The following KLRD1 variants were observed in gnomAD, a reference collection of about 807,000 sequenced individuals.
The protein encoded by KLRD1 is killer cell lectin like receptor D1, also known as natural killer cells antigen CD94.
In KLRD1, 21 loss-of-function variants were observed where a neutral mutation model predicts 22.6. That is an observed-to-expected ratio of 0.93 (90% CI 0.66 to 1.34). The LOEUF (loss-of-function observed/expected upper bound fraction) is 1.34. KLRD1 is among the 40% of genes most tolerant of loss of function. The pLI, the probability that KLRD1 is intolerant of heterozygous loss-of-function variation, is 0.00. For synonymous variants in KLRD1, 59 were observed against 71.1 expected (o/e 0.83, Z 0.85); for missense variants, 183 against 208.6 (o/e 0.88, Z 0.76).
chr12:10,309,739 A>G (rs1200875871), intron 3 of KLRD1, 51 bp downstream of exon 3: 1 of 1,288,708 alleles, frequency 7.8e-7, no homozygotes, highest in Admixed American at 1.7e-5. Flanking sequence ...TTAAATAGGC[A>G]GTTTCTTGTT....
chr12:10,265,554 C>T (rs1949491031), intron 1 of KLRD1, among the ~76,000 whole-genome samples: 1 of 152,124 alleles, frequency 6.6e-6, no homozygotes, highest in South Asian at 2.1e-4. Flanking sequence ...GTCAGGAGTT[C>T]GAGACCAGTC....
rs754430085 is a variant in KLRD1 at position 10,314,784 on chromosome 12, G to A, written c.531G>A (p.Gln177=). Residue 177 remains glutamine (Q), a synonymous_variant, in exon 6 of 6, where the codon CAG becomes CAA. Transcript: ENST00000336164. ...AAAATCGTTATATCTGTAAGCAACA[G>A]CTCATTTAAATGTTTCTTGGGGCAG... ...EDKNRYICKQ[Q]LI 4.5e-5 allele frequency: 72 copies of A among 1,604,936 alleles called. No individual in the cohort carries two copies. The highest frequency in any genetic ancestry group is 4.3e-4 in the Admixed American group (25 of 58,384).
At chr12:10,278,856 A>G (rs987280602) in intron 1 of KLRD1, among the ~76,000 whole-genome samples, 3 of 151,936 alleles carry the variant, frequency 2.0e-5, no homozygotes, top group Admixed American at 1.3e-4. Context: ...AGATATAGCA[A>G]ATTTGCACAG....
chr12:10,304,962 G>A (rs536801901), upstream of KLRD1, among the ~76,000 whole-genome samples: 2 of 152,132 alleles, frequency 1.3e-5, no homozygotes, highest in East Asian at 3.9e-4. Flanking sequence ...TTTTCTTTCC[G>A]CTCAAAGAAT....
chr12:10,275,754 GATA>G (rs759791922), intron 1 of KLRD1, among the ~76,000 whole-genome samples: 1 of 152,046 alleles, frequency 6.6e-6, no homozygotes, highest in Non-Finnish European at 1.5e-5. Context: ...AAACTTTTAT[GATA>G]ATAAAAATTA....
rs1310854874 is a variant in KLRD1, at chr12:10,278,398, G to GT, written c.-100-29579dup. ...GCCACTTATAAGGCTAATATTTAAA[G>GT]TATTTGGTGGACTTCCATGCTCCCT... On this transcript the variant is annotated intron_variant, in intron 1 of 5. Coordinates refer to the KLRD1 transcript ENST00000544747. 3.3e-5 allele frequency among the ~76,000 whole-genome samples: 5 copies of GT among 152,206 alleles called. No homozygotes were observed. In the East Asian group the frequency reaches 9.7e-4, roughly 29 times the overall value.
chr12:10,309,702 T>C lies in KLRD1; in HGVS notation c.163+14T>C, dbSNP rs1950012856. On this transcript the variant is annotated intron_variant, in intron 3 of 5. Coordinates refer to ENST00000336164, the MANE Select transcript of KLRD1 (RefSeq NM_002262.5). ...AACTCCAGAAAGGTAGGTCACATTT[T>C]TTGGAAAACTTAGCATTGGTAAAAG... 1.9e-6 allele frequency: 3 copies of C among 1,597,018 alleles called. No individual in the cohort carries two copies. The highest frequency in any genetic ancestry group is 1.7e-4 in the Middle Eastern group (1 of 6,028).
chr12:10,309,266 C>G, intron 1 of KLRD1, 122 bp from the exon 2 acceptor site: 1 of 614,112 alleles, frequency 1.6e-6, no homozygotes, highest in Non-Finnish European at 2.9e-6. Flanking sequence ...GTTTTATTGG[C>G]AAGATGACTC....
chr12:10,245,348 A>G (rs777357986), intron 1 of KLRD1, among the ~76,000 whole-genome samples: 2 of 152,170 alleles, frequency 1.3e-5, no homozygotes, highest in Non-Finnish European at 2.9e-5. Context: ...ACAGAGCAAG[A>G]CTCCATCTCA....
rs904856085 is a variant in KLRD1, at chr12:10,323,581, A to G, written c.*8788A>G. On this transcript the variant is annotated 3_prime_UTR_variant, in exon 6 of 6. Coordinates refer to ENST00000336164, the MANE Select transcript of KLRD1 (RefSeq NM_002262.5). ...AAAGTATGACATTTGATGTATTTCC[A>G]TATCTATGCATCTGTGAAACCATCA... 2.0e-5 allele frequency: 3 copies of G among 152,060 alleles called. No homozygotes were observed. The highest frequency in any genetic ancestry group is 1.9e-4 in the East Asian group (1 of 5,194). 9.4% of individuals were successfully genotyped at this position (152,060 alleles called of 1,614,324 possible). A position where few individuals can be genotyped will look rare whatever the true frequency, so the allele number is the denominator to read the frequency against.
At chr12:10,272,724 A>G (rs1372945501) in intron 1 of KLRD1, among the ~76,000 whole-genome samples, 1 of 152,226 alleles carries the variant, frequency 6.6e-6, no homozygotes, top group East Asian at 1.9e-4. Flanking sequence ...GTTTACAGTA[A>G]GGCTAATATG....
intron 1 of KLRD1, among the ~76,000 whole-genome samples, chr12:10,266,465 T>C (rs1487524633): frequency 6.6e-6 from 1 of 152,116 alleles, no homozygotes; most frequent in Non-Finnish European, 1.5e-5. Context: ...AAAAAATTCT[T>C]TGTATTTATT....
Position 10,320,605 on chromosome 12 carries a change from A to T in KLRD1, c.*5812A>T, listed in dbSNP as rs1427704262. On this transcript the variant is annotated 3_prime_UTR_variant, in exon 6 of 6. Transcript: ENST00000336164. ...AGCTAATGGAAGGGCTGTTGAGCAAAAGAAGACAGAACTTGATAGTTTTGA... is the reference window on the plus strand; with the variant it reads ...AGCTAATGGAAGGGCTGTTGAGCAATAGAAGACAGAACTTGATAGTTTTGA... 2 of 152,212 alleles carry T rather than the reference A, an allele frequency of 1.3e-5. No homozygotes were observed. The highest frequency in any genetic ancestry group is 3.8e-4 in the East Asian group (2 of 5,196). The allele number at this position is 152,212 out of a possible 1,614,324, so 9.4% of individuals were successfully genotyped here. A position where few individuals can be genotyped will look rare whatever the true frequency, so the allele number is the denominator to read the frequency against.
At chr12:10,283,245 C>T (rs1949663364) in intron 1 of KLRD1, among the ~76,000 whole-genome samples, 1 of 152,144 alleles carries the variant, frequency 6.6e-6, no homozygotes, top group African/African-American at 2.4e-5. Context: ...TGCCACGAGG[C>T]AGTTGCTATT....
chr12:10,240,900 G>A (rs1429230254), intron 1 of KLRD1, among the ~76,000 whole-genome samples: 1 of 152,082 alleles, frequency 6.6e-6, no homozygotes, highest in East Asian at 1.9e-4. Context: ...TTGTCTTTTA[G>A]GGTTTTCCAC....
chr12:10,257,931 G>A (rs575046883), intron 1 of KLRD1, among the ~76,000 whole-genome samples: 2 of 152,166 alleles, frequency 1.3e-5, no homozygotes, highest in Middle Eastern at 3.4e-3. Flanking sequence ...AAGGCTTAAG[G>A]TCTTCTCAGG....
chr12:10,239,482 C>A (rs143361134), intron 1 of KLRD1, among the ~76,000 whole-genome samples: 9 of 80,320 alleles, frequency 1.1e-4, no homozygotes, highest in East Asian at 3.0e-4. Flanking sequence ...TCCTTCCTTC[C>A]TTCTTCCTTC....
intron 1 of KLRD1, among the ~76,000 whole-genome samples, chr12:10,270,680 C>T (rs865863317): frequency 1.2e-4 from 18 of 152,012 alleles, no homozygotes; most frequent in Admixed American, 4.6e-4. Context: ...TGTAGATATG[C>T]GCTGTTTATG....
intron 1 of KLRD1, among the ~76,000 whole-genome samples, chr12:10,250,617 C>G (rs1949338102): frequency 6.6e-6 from 1 of 151,998 alleles, no homozygotes; most frequent in African/African-American, 2.4e-5. Context: ...GCCACCATGC[C>G]AGGCTAATTT....
Sources: allele counts gnomAD v4.1 joint callset (sites outside exome capture counted in the v4.1 genomes callset), GRCh38; gene constraint gnomAD v4.1.1; transcripts MANE v1.5; gene names NCBI Gene and HGNC (gene_info 2026-07-23, HGNC 2026-07-21).